Variants in TRERF1 observed in about 807,000 individuals in gnomAD.
TRERF1 encodes the protein transcriptional regulating factor 1, also known as transcriptional-regulating factor 1.
A neutral mutation model predicts 122.9 loss-of-function variants in TRERF1; 27 were observed. That is an observed-to-expected ratio of 0.22 (90% confidence interval 0.16 to 0.30). The LOEUF (loss-of-function observed/expected upper bound fraction) is 0.30. Ranked by LOEUF, TRERF1 falls within the 10% of genes least tolerant of loss-of-function variation. The pLI, the probability that TRERF1 is intolerant of heterozygous loss-of-function variation, is 1.00. For synonymous variants in TRERF1, 636 were observed against 641.7 expected (o/e 0.99, Z 0.13); for missense variants, 1,248 against 1,560.3 (o/e 0.80, Z 3.37).
At chr6:42,230,947 G>A (rs913802257) in intron 17 of TRERF1, among the ~76,000 whole-genome samples, 6 of 152,204 alleles carry the variant, frequency 3.9e-5, no homozygotes, top group African/African-American at 1.4e-4. Flanking sequence ...TCACTTTTCT[G>A]TGCCTCAGTT....
chr6:42,380,803 G>A (rs1045689332), intron 2 of TRERF1, among the ~76,000 whole-genome samples: 9 of 152,292 alleles, frequency 5.9e-5, no homozygotes, highest in South Asian at 4.1e-4. Context: ...GCCTTTGCAC[G>A]GGCTCCAGGG....
intron 16 of TRERF1, among the ~76,000 whole-genome samples, chr6:42,234,541 C>T (rs1265049610): frequency 6.6e-6 from 1 of 152,014 alleles, no homozygotes; most frequent in African/African-American, 2.4e-5. Flanking sequence ...CGGGGTTTCA[C>T]CATGTTGGCC....
intron 2 of TRERF1, among the ~76,000 whole-genome samples, chr6:42,366,480 T>C (rs1772750946): frequency 6.6e-6 from 1 of 152,090 alleles, no homozygotes; most frequent in South Asian, 2.1e-4. Context: ...TAACATCCAC[T>C]CTAACGGGGA....
intron 4 of TRERF1, among the ~76,000 whole-genome samples, chr6:42,279,231 T>G (rs1781841815): frequency 6.6e-6 from 1 of 152,050 alleles, no homozygotes; most frequent in Non-Finnish European, 1.5e-5. Context: ...CGGGAAGGTC[T>G]CTGCAGGGCA....
chr6:42,325,558 G>A (rs968889176), intron 3 of TRERF1, among the ~76,000 whole-genome samples: 6 of 152,288 alleles, frequency 3.9e-5, no homozygotes, highest in Middle Eastern at 3.4e-3. Context: ...TATATGCCAT[G>A]GAATGCTATG....
intron 2 of TRERF1, among the ~76,000 whole-genome samples, chr6:42,411,461 A>G (rs1726477945): frequency 6.6e-6 from 1 of 152,198 alleles, no homozygotes. Context: ...CAGGCACGTT[A>G]GCAGAACAGG....
At chr6:42,447,101 C>G (rs1787658837) in intron 2 of TRERF1, among the ~76,000 whole-genome samples, 1 of 152,178 alleles carries the variant, frequency 6.6e-6, no homozygotes, top group African/African-American at 2.4e-5. Flanking sequence ...CCTGCTCTAT[C>G]AAACATATAA....
At chr6:42,308,792 A>AG (rs939007669) in intron 3 of TRERF1, among the ~76,000 whole-genome samples, 2 of 152,074 alleles carry the variant, frequency 1.3e-5, no homozygotes, top group Non-Finnish European at 2.9e-5. Flanking sequence ...TTGAGGGGGG[A>AG]GGGCAGGAGG....
At chr6:42,317,015 G>C (rs1207353568) in intron 3 of TRERF1, among the ~76,000 whole-genome samples, 1 of 152,116 alleles carries the variant, frequency 6.6e-6, no homozygotes, top group Non-Finnish European at 1.5e-5. Context: ...CTGGACCTGG[G>C]ACTCATGACA....
chr6:42,420,622 CATAAA>C (rs1296298921), intron 2 of TRERF1, among the ~76,000 whole-genome samples: 1 of 152,060 alleles, frequency 6.6e-6, no homozygotes, highest in Admixed American at 6.5e-5. Context: ...CTTTTAAAAT[CATAAA>C]ATAAATGTAC....
At chr6:42,290,364 C>T (rs78646657) in intron 4 of TRERF1, among the ~76,000 whole-genome samples, 2,090 of 152,288 alleles carry the variant, frequency 0.014, 18 homozygotes, top group South Asian at 0.03. Flanking sequence ...CCAATCACCT[C>T]AATTCACAAC....
At chr6:42,361,500 T>C (rs998978943) in intron 3 of TRERF1, among the ~76,000 whole-genome samples, 15 of 152,206 alleles carry the variant, frequency 9.9e-5, no homozygotes, top group Admixed American at 3.3e-4. Context: ...TAAGGGGCTT[T>C]CGAGAAACAC....
intron 15 of TRERF1, among the ~76,000 whole-genome samples, chr6:42,239,620 A>C (rs190851300): frequency 6.3e-4 from 96 of 152,262 alleles, no homozygotes; most frequent in Non-Finnish European, 6.8e-4. Context: ...TACGTAAAAC[A>C]TTGAAGATAC....
rs1260496838 is a variant in TRERF1 at position 42,269,243 on chromosome 6, G to A, written c.348C>T (p.Pro116=). 13 of 1,614,240 alleles carry A rather than the reference G, an allele frequency of 8.1e-6. No individual in the cohort carries two copies. The highest frequency in any genetic ancestry group is 1.6e-4 in the Middle Eastern group (1 of 6,062). ...AGTAGGTGTATTGGTAGCCATCAGT[G>A]GGCTCAGCCTGGGCTGGTGCCCCCC... Residue 116 remains proline, a synonymous_variant, in exon 5 of 18, where the codon CCC becomes CCT. Transcript: ENST00000372922. This position sits in a 1 kb window ranked among gnomAD's most constrained non-coding sequence, Gnocchi z 4.9.
chr6:42,272,360 A>C (rs114759281), intron 4 of TRERF1, among the ~76,000 whole-genome samples: 2,115 of 152,126 alleles, frequency 0.014, 50 homozygotes, highest in African/African-American at 0.046. Flanking sequence ...CCGTGGGTGG[A>C]AGGGGAGGGT....
chr6:42,434,710 A>ACACACC (rs1554218671), intron 2 of TRERF1, among the ~76,000 whole-genome samples: 36 of 147,454 alleles, frequency 2.4e-4, no homozygotes, highest in Middle Eastern at 3.4e-3. Context: ...ACACACACAC[A>ACACACC]CCCCTAATAG....
intron 2 of TRERF1, among the ~76,000 whole-genome samples, chr6:42,407,695 C>A (rs2151414403): frequency 6.6e-6 from 1 of 152,176 alleles, no homozygotes; most frequent in South Asian, 2.1e-4. Context: ...CCTCTTTTTA[C>A]TACAGAATTT....
chr6:42,310,418 G>A (rs1489161202), intron 3 of TRERF1, among the ~76,000 whole-genome samples: 2 of 152,230 alleles, frequency 1.3e-5, no homozygotes, highest in African/African-American at 2.4e-5. Flanking sequence ...GACACTGTGG[G>A]TTGGATAATT....
chr6:42,358,337 T>C (rs1033353244), intron 3 of TRERF1, among the ~76,000 whole-genome samples: 3 of 152,206 alleles, frequency 2.0e-5, no homozygotes, highest in African/African-American at 7.2e-5. Flanking sequence ...ATAAATTGGG[T>C]TTATCAAAAC....
Sources: allele counts gnomAD v4.1 joint callset (sites outside exome capture counted in the v4.1 genomes callset), GRCh38; gene constraint gnomAD v4.1.1; non-coding constraint Gnocchi (gnomAD v3.1); transcripts MANE v1.5; gene names NCBI Gene and HGNC (gene_info 2026-07-23, HGNC 2026-07-21).